COL14A1: variants seen among roughly 807,000 people sequenced by gnomAD.
The protein encoded by COL14A1 is collagen type XIV alpha 1 chain.
Under a neutral mutation model 230.3 loss-of-function variants are expected in COL14A1, and 136 were observed. That is an observed-to-expected ratio of 0.59 (90% CI 0.51 to 0.68). The LOEUF is 0.68. COL14A1 is among the 30% of genes least tolerant of loss of function. COL14A1 has a pLI of 0.00. For missense variants in COL14A1, 1,976 were observed against 2,215.8 expected (o/e 0.89, Z 2.17); for synonymous variants, 792 against 784.1 (o/e 1.01, Z -0.17).
At chr8:120,235,400 A>G (rs749181838) in intron 19 of COL14A1, among the ~76,000 whole-genome samples, 6 of 151,770 alleles carry the variant, frequency 4.0e-5, no homozygotes, top group Non-Finnish European at 8.8e-5. Flanking sequence ...CAAACTCCTG[A>G]CCCTGTTATC....
intron 45 of COL14A1, among the ~76,000 whole-genome samples, chr8:120,356,382 G>A (rs1822985504): frequency 6.6e-6 from 1 of 152,236 alleles, no homozygotes; most frequent in South Asian, 2.1e-4. Context: ...ATTCCAGAAT[G>A]CCTGTGCTTG....
chr8:120,138,433 A>C (rs1350219525), intron 1 of COL14A1, among the ~76,000 whole-genome samples: 1 of 152,070 alleles, frequency 6.6e-6, no homozygotes, highest in Non-Finnish European at 1.5e-5. Flanking sequence ...TCCCTTCTCA[A>C]TATCTAGTTT....
At chr8:120,370,053 C>T (rs977188502) in intron 47 of COL14A1, among the ~76,000 whole-genome samples, 10 of 152,202 alleles carry the variant, frequency 6.6e-5, no homozygotes, top group African/African-American at 2.4e-4. Flanking sequence ...TCACTAGCTA[C>T]TGGACTAAAA....
chr8:120,269,639 G>T (rs1480974020), intron 25 of COL14A1, among the ~76,000 whole-genome samples: 1 of 151,764 alleles, frequency 6.6e-6, no homozygotes, highest in Non-Finnish European at 1.5e-5. Context: ...GAAAAGGACA[G>T]GGTGCACAGA....
intron 8 of COL14A1, among the ~76,000 whole-genome samples, chr8:120,200,565 TG>T (rs1817203196): frequency 1.3e-5 from 2 of 151,178 alleles, no homozygotes; most frequent in South Asian, 4.2e-4. Context: ...AGAAGGGGCC[TG>T]GGAATACGTG....
chr8:120,278,011 A>G (rs1819906390), intron 26 of COL14A1, 100 bp from the exon 27 acceptor site: 3 of 1,097,680 alleles, frequency 2.7e-6, no homozygotes, highest in Non-Finnish European at 3.7e-6. Flanking sequence ...TTGTAATGAG[A>G]TAATGAAGAA....
At chr8:120,311,925 C>T (rs1821056605) in intron 37 of COL14A1, among the ~76,000 whole-genome samples, 1 of 151,950 alleles carries the variant, frequency 6.6e-6, no homozygotes, top group Non-Finnish European at 1.5e-5. Context: ...TGGTGAAACC[C>T]TGTCTCTACT....
intron 40 of COL14A1, among the ~76,000 whole-genome samples, chr8:120,324,679 G>GA (rs1205473513): frequency 2.6e-5 from 4 of 152,076 alleles, no homozygotes; most frequent in African/African-American, 9.7e-5. Context: ...CACTCTAACC[G>GA]AGAGTGTAGC....
chr8:120,228,891 A>G, intron 18 of COL14A1, 122 bp downstream of exon 18: 1 of 824,396 alleles, frequency 1.2e-6, no homozygotes, highest in South Asian at 1.7e-5. Context: ...CTTTTCTGGC[A>G]CACTGGTTCA....
At chr8:120,274,545 G>A (rs1397990378) in intron 26 of COL14A1, among the ~76,000 whole-genome samples, 2 of 151,584 alleles carry the variant, frequency 1.3e-5, no homozygotes, top group African/African-American at 4.8e-5. Flanking sequence ...CTATTACTGT[G>A]TGCCAATGAT....
intron 23 of COL14A1, among the ~76,000 whole-genome samples, chr8:120,258,413 T>C (rs931716114): frequency 2.0e-5 from 3 of 152,146 alleles, no homozygotes; most frequent in Admixed American, 6.6e-5. Flanking sequence ...AAATCTGTCA[T>C]TGAGTGCAAG....
intron 22 of COL14A1, among the ~76,000 whole-genome samples, chr8:120,253,663 C>T (rs1371343473): frequency 1.3e-5 from 2 of 152,166 alleles, no homozygotes; most frequent in South Asian, 4.1e-4. Context: ...GTGGCTCACG[C>T]CTGTAATCCC....
chr8:120,172,684 T>C (rs1816133145), intron 5 of COL14A1, among the ~76,000 whole-genome samples: 1 of 152,182 alleles, frequency 6.6e-6, no homozygotes, highest in African/African-American at 2.4e-5. Flanking sequence ...ACAGACAGTT[T>C]TCCCCCCACA....
At position 120,168,158 on chromosome 8, in the gene COL14A1, C is replaced by T; in HGVS notation, c.350-3C>T. Reference sequence around the variant, plus strand: ...TGGTGCTGTATCTCTACTTTTCTTCCAGTTAAAGATTTAGAAAAAAGAAAG... The same window carrying T: ...TGGTGCTGTATCTCTACTTTTCTTCTAGTTAAAGATTTAGAAAAAAGAAAG... On this transcript the variant is annotated splice_polypyrimidine_tract_variant and splice_region_variant and intron_variant, in intron 4 of 47. Coordinates refer to ENST00000297848, the MANE Select transcript of COL14A1 (RefSeq NM_021110.4). 1 of 1,599,302 alleles carries T rather than the reference C, an allele frequency of 6.3e-7. No homozygotes were observed.
intron 12 of COL14A1, among the ~76,000 whole-genome samples, chr8:120,210,323 A>G (rs1170863325): frequency 6.6e-6 from 1 of 152,162 alleles, no homozygotes; most frequent in Non-Finnish European, 1.5e-5. Flanking sequence ...TTTTTGCATA[A>G]TTGTTTGATT....
intron 37 of COL14A1, among the ~76,000 whole-genome samples, chr8:120,312,833 G>GAGAT (rs1821090558): frequency 6.6e-6 from 1 of 152,062 alleles, no homozygotes; most frequent in Non-Finnish European, 1.5e-5. Context: ...CATGTAACGT[G>GAGAT]TTCACCAATC....
intron 36 of COL14A1, among the ~76,000 whole-genome samples, chr8:120,304,524 G>A (rs1388214306): frequency 6.6e-6 from 1 of 152,068 alleles, no homozygotes; most frequent in Non-Finnish European, 1.5e-5. Context: ...ATGTTAAAAT[G>A]TTCAAAATAT....
intron 42 of COL14A1, among the ~76,000 whole-genome samples, chr8:120,336,377 A>C (rs1483127622): frequency 2.6e-5 from 4 of 152,182 alleles, no homozygotes; most frequent in Middle Eastern, 3.2e-3. Context: ...TGGCAGTTGC[A>C]GAAAAACATA....
In COL14A1 at chr8:120,262,867, G is replaced by C; in HGVS notation, c.2870-1G>C. 1.3e-6 allele frequency: 2 copies of C among 1,599,684 alleles called. No individual in the cohort carries two copies. Among genetic ancestry groups the C allele is most frequent in the Non-Finnish European group, 1.7e-6 (2 of 1,176,470 alleles). Reference sequence around the variant, plus strand: ...TTTGTTTTGTTTTGTTTTTATTATAGATAGGCAAAAGCAAGAATCCACTGT... The same window carrying C: ...TTTGTTTTGTTTTGTTTTTATTATACATAGGCAAAAGCAAGAATCCACTGT... On this transcript the variant is annotated splice_acceptor_variant, in intron 23 of 47. Transcript: ENST00000297848. LOFTEE classifies it high-confidence loss of function.
Sources: allele counts gnomAD v4.1 joint callset (sites outside exome capture counted in the v4.1 genomes callset), GRCh38; gene constraint gnomAD v4.1.1; transcripts MANE v1.5; gene names NCBI Gene and HGNC (gene_info 2026-07-23, HGNC 2026-07-21).